BBS9: variants seen among roughly 807,000 people sequenced by gnomAD.
BBS9 encodes the protein Bardet-Biedl syndrome 9.
In BBS9, 89 loss-of-function variants were observed where a neutral mutation model predicts 117.7. The ratio of observed to expected loss-of-function variants is 0.76; its 90% CI spans 0.64 to 0.90. The LOEUF (loss-of-function observed/expected upper bound fraction) is 0.90. BBS9 is among the 40% of genes least tolerant of loss of function. The pLI is 0.00. For synonymous variants in BBS9, 379 were observed against 370.9 expected (o/e 1.02, Z -0.25); for missense variants, 982 against 1,042.2 (o/e 0.94, Z 0.80).
At chr7:33,434,577 C>T (rs1374772260) in intron 19 of BBS9, among the ~76,000 whole-genome samples, 1 of 152,104 alleles carries the variant, frequency 6.6e-6, no homozygotes, top group Non-Finnish European at 1.5e-5. Context: ...CAGATAACAA[C>T]AGTTCTGTAA....
chr7:33,297,341 C>T lies in BBS9; in HGVS notation c.1016+23385C>T, dbSNP rs189755104. ...AAAACTGTAAACCATTGCTATGGAA[C>T]ATACCATGTGATATGTACTTTAAAG... On this transcript the variant is annotated intron_variant, in intron 9 of 22. Transcript: ENST00000242067. Among the ~76,000 whole-genome samples the T allele has an allele frequency of 1.6e-3, 241 of 152,230 alleles. 2 individuals are homozygous for T. The highest frequency in any genetic ancestry group is 6.8e-3 in the Middle Eastern group (2 of 294).
At chr7:33,617,123 A>G (rs1436913200) in intron 21 of BBS9, among the ~76,000 whole-genome samples, 1 of 152,060 alleles carries the variant, frequency 6.6e-6, no homozygotes, top group Admixed American at 6.6e-5. Context: ...TCATCCATTG[A>G]TGGACAACTG....
chr7:33,399,224 AT>A (rs1227792865), intron 19 of BBS9, among the ~76,000 whole-genome samples: 2 of 150,298 alleles, frequency 1.3e-5, no homozygotes, highest in Admixed American at 6.6e-5. Context: ...TTTTTTCTTT[AT>A]TTTTTTTTCT....
chr7:33,224,667 C>T (rs58069881), intron 5 of BBS9, among the ~76,000 whole-genome samples: 23,578 of 152,136 alleles, frequency 0.15, 2,166 homozygotes, highest in Non-Finnish European at 0.21. Context: ...GTCCTGTTAA[C>T]GTCCCACAGT....
intron 4 of BBS9, 143 bp from the exon 5 acceptor site, chr7:33,177,335 T>C: frequency 1.5e-6 from 1 of 659,544 alleles, no homozygotes; most frequent in Non-Finnish European, 2.7e-6. Flanking sequence ...ATCAGTATGC[T>C]AATTTTTCAC....
intron 19 of BBS9, among the ~76,000 whole-genome samples, chr7:33,450,481 A>G (rs1227961963): frequency 6.6e-6 from 1 of 152,174 alleles, no homozygotes; most frequent in Non-Finnish European, 1.5e-5. Flanking sequence ...ACTCTTTTAC[A>G]TTCTTACCAA....
intron 5 of BBS9, among the ~76,000 whole-genome samples, chr7:33,213,170 C>T (rs1226970785): frequency 3.9e-5 from 6 of 152,192 alleles, no homozygotes; most frequent in Admixed American, 1.3e-4. Context: ...AATTCTACTG[C>T]GGCTAAGCTG....
rs568983909 is a variant in BBS9 at position 33,534,119 on chromosome 7, G to C, written c.2464G>C (p.Gly822Arg). ...CTTGCTCTGCGATAGATTATCCAAA[G>C]GTGGCCGTCTCTGCCTAAGTACCGA... The part of the protein sequence containing the change: ...ITLLCDRLSK[G>R]GRLCLSTDAA... The change falls in exon 21 of 23, where the codon GGT becomes CGT. Residue 822 changes from glycine to arginine, a missense_variant. Transcript: ENST00000242067. 9 of 1,614,150 alleles carry C rather than the reference G, an allele frequency of 5.6e-6. No homozygotes were observed. In the East Asian group the frequency reaches 1.6e-4, roughly 28 times the overall value.
At chr7:33,389,504 A>G (rs1043988152) in intron 19 of BBS9, among the ~76,000 whole-genome samples, 16 of 152,072 alleles carry the variant, frequency 1.1e-4, no homozygotes, top group African/African-American at 3.9e-4. Context: ...CCTGGTTAAT[A>G]CAGTGAAACC....
intron 19 of BBS9, among the ~76,000 whole-genome samples, chr7:33,399,608 A>G (rs1181915423): frequency 6.6e-6 from 1 of 152,162 alleles, no homozygotes; most frequent in Admixed American, 6.5e-5. Context: ...TTGTACCTGC[A>G]TAATTGTTAT....
chr7:33,362,861 A>G (rs1259468693), intron 16 of BBS9, among the ~76,000 whole-genome samples: 1 of 152,140 alleles, frequency 6.6e-6, no homozygotes, highest in Non-Finnish European at 1.5e-5. Flanking sequence ...GAGAGAACCA[A>G]TATCTTAACA....
In BBS9 at chr7:33,144,427, C is replaced by T. The variant is rs549827447; in HGVS notation, c.-11-1815C>T. 6.6e-5 allele frequency among the ~76,000 whole-genome samples: 10 copies of T among 152,270 alleles called. No homozygotes were observed. The South Asian group carries it at 1.0e-3, about 16-fold the overall frequency. On this transcript the variant is annotated intron_variant, in intron 1 of 22. Coordinates refer to ENST00000242067, the MANE Select transcript of BBS9 (RefSeq NM_198428.3). ...TTTGTAACCCCCAAATCAGTGCTTG[C>T]GATGCTTTTGTGGTCATTTGTGATC... is the stretch of plus-strand genomic sequence containing the variant.
At chr7:33,575,371 C>A (rs1187839771) in intron 21 of BBS9, among the ~76,000 whole-genome samples, 1 of 152,120 alleles carries the variant, frequency 6.6e-6, no homozygotes, top group East Asian at 1.9e-4. Flanking sequence ...GAAGTTGAAT[C>A]TCTGAGTAGA....
chr7:33,498,309 G>T (rs533463682), intron 19 of BBS9, among the ~76,000 whole-genome samples: 7 of 152,206 alleles, frequency 4.6e-5, no homozygotes, highest in African/African-American at 1.7e-4. Context: ...TACTTGCAAA[G>T]TATCTTTTAT....
intron 17 of BBS9, among the ~76,000 whole-genome samples, chr7:33,368,320 G>A (rs1221778410): frequency 6.6e-6 from 1 of 152,124 alleles, no homozygotes; most frequent in East Asian, 1.9e-4. Context: ...AAAGTGGATA[G>A]CTTTTGCTGA....
chr7:33,346,811 CT>C (rs1817677032), intron 12 of BBS9, among the ~76,000 whole-genome samples: 1 of 152,174 alleles, frequency 6.6e-6, no homozygotes, highest in Non-Finnish European at 1.5e-5. Context: ...CCAGACTGCT[CT>C]TTTTCAAATG....
At position 33,313,625 on chromosome 7, in the gene BBS9, T is replaced by G. The variant is rs73688108; in HGVS notation, c.1017-22816T>G. On this transcript the variant is annotated intron_variant, in intron 9 of 22. Transcript: ENST00000242067. ...TTCAGTCTCCCTTCTATAACCTCTGTAATTTTTGCAGTTTTCGGTGACAAC... is the reference window on the plus strand; with the variant it reads ...TTCAGTCTCCCTTCTATAACCTCTGGAATTTTTGCAGTTTTCGGTGACAAC... Among the ~76,000 whole-genome samples the G allele has an allele frequency of 3.9e-5, 6 of 152,300 alleles. No individual in the cohort carries two copies. The East Asian group carries it at 1.2e-3, about 29-fold the overall frequency.
intron 4 of BBS9, among the ~76,000 whole-genome samples, chr7:33,162,963 G>C (rs1303970803): frequency 1.3e-5 from 2 of 152,044 alleles, no homozygotes; most frequent in African/African-American, 4.8e-5. Flanking sequence ...ATTGGCTGTG[G>C]GTTTCTCATA....
In BBS9 at chr7:33,367,821, T is replaced by G; in HGVS notation, c.1748T>G (p.Leu583Ter). Residue 583 changes from leucine to a stop codon, truncating the protein, a stop_gained, in exon 17 of 23, where the codon TTA (leucine) becomes TGA (stop). Transcript: ENST00000242067. LOFTEE classifies it high-confidence loss of function. ...GTGAATGTAATGGGTTTTCACTTCT[T>G]AGGAGGTGCTCGAATTACTGTTCTT... Reference protein sequence around the residue: ...DQVNVMGFHFLGGARITVLAS... With the variant: ...DQVNVMGFHF 1 of 1,613,894 alleles carries G rather than the reference T, an allele frequency of 6.2e-7. No homozygotes were observed. Among genetic ancestry groups the G allele is most frequent in the East Asian group, 2.2e-5 (1 of 44,806 alleles).
Sources: allele counts gnomAD v4.1 joint callset (sites outside exome capture counted in the v4.1 genomes callset), GRCh38; gene constraint gnomAD v4.1.1; transcripts MANE v1.5; gene names NCBI Gene and HGNC (gene_info 2026-07-23, HGNC 2026-07-21).